Variants in NTN1 observed in about 807,000 individuals in gnomAD.
NTN1 encodes the protein netrin-1.
A neutral mutation model predicts 54.2 loss-of-function variants in NTN1; 11 were observed. The ratio of observed to expected loss-of-function variants is 0.20; its 90% CI spans 0.13 to 0.34. The LOEUF (loss-of-function observed/expected upper bound fraction) is 0.34. Among genes scored for constraint, NTN1 ranks in the 10% least tolerant of loss-of-function variants. The pLI, the probability that NTN1 is intolerant of heterozygous loss-of-function variation, is 1.00. For synonymous variants in NTN1, 371 were observed against 382.0 expected (o/e 0.97, Z 0.33); for missense variants, 740 against 893.1 (o/e 0.83, Z 2.18).
intron 5 of NTN1, among the ~76,000 whole-genome samples, chr17:9,214,546 G>T (rs954723134): frequency 2.6e-5 from 4 of 152,190 alleles, no homozygotes; most frequent in African/African-American, 9.7e-5. Flanking sequence ...CTTTAGGCTG[G>T]GTGCAGTGGC....
chr17:9,137,820 G>A (rs572379139), intron 2 of NTN1, among the ~76,000 whole-genome samples: 18 of 152,100 alleles, frequency 1.2e-4, no homozygotes, highest in Non-Finnish European at 2.5e-4. Flanking sequence ...AACTGTTGAC[G>A]GGCATCTTGG....
At chr17:9,213,461 A>G (rs953735474) in intron 5 of NTN1, among the ~76,000 whole-genome samples, 3 of 152,182 alleles carry the variant, frequency 2.0e-5, no homozygotes, top group African/African-American at 4.8e-5. Context: ...TGGAGCAAGT[A>G]TGTCCTGGCA....
chr17:9,030,318 C>T (rs569597187), intron 2 of NTN1, among the ~76,000 whole-genome samples: 21 of 152,334 alleles, frequency 1.4e-4, no homozygotes, highest in Non-Finnish European at 2.2e-4. Flanking sequence ...AGCTGTGCTC[C>T]GCTCTTGCCT....
chr17:9,141,916 G>T (rs1266359655), intron 2 of NTN1, among the ~76,000 whole-genome samples: 1 of 151,952 alleles, frequency 6.6e-6, no homozygotes, highest in Non-Finnish European at 1.5e-5. Context: ...ACAAAAATTA[G>T]CTGGGCGTAC....
At position 9,050,255 on chromosome 17, in the gene NTN1, A is replaced by T. The variant is rs1333461875; in HGVS notation, c.1018+26864A>T. 3.3e-5 allele frequency among the ~76,000 whole-genome samples: 5 copies of T among 150,500 alleles called. No individual in the cohort carries two copies. In the South Asian group the frequency reaches 8.4e-4, roughly 25 times the overall value. ...GAGTGAGACTCTGTCTCAAAAAAAT[A>T]AAAAAAAATAAAAATAAAATAAAAA... On this transcript the variant is annotated intron_variant, in intron 2 of 6. Transcript: ENST00000173229.
chr17:9,087,765 C>G (rs922611366), intron 2 of NTN1, among the ~76,000 whole-genome samples: 1 of 152,238 alleles, frequency 6.6e-6, no homozygotes. Context: ...GGGCCTGTGC[C>G]GATTTGCCCA....
chr17:9,060,181 C>A (rs1733558710), intron 2 of NTN1, among the ~76,000 whole-genome samples: 1 of 151,984 alleles, frequency 6.6e-6, no homozygotes, highest in Non-Finnish European at 1.5e-5. Context: ...GTCAGCAAGA[C>A]CCACCCCTCC....
chr17:9,043,251 T>C (rs780951735), intron 2 of NTN1, among the ~76,000 whole-genome samples: 3 of 152,248 alleles, frequency 2.0e-5, no homozygotes, highest in African/African-American at 4.8e-5. Flanking sequence ...TTGCTTTTTG[T>C]ACATTTGTGA....
intron 2 of NTN1, among the ~76,000 whole-genome samples, chr17:9,113,353 A>G (rs896071574): frequency 5.8e-4 from 89 of 152,188 alleles, no homozygotes; most frequent in African/African-American, 2.0e-3. Context: ...AGAAATACAT[A>G]TAAAAAAAGG....
At chr17:9,164,644 G>T (rs769888141) in intron 3 of NTN1, among the ~76,000 whole-genome samples, 4 of 152,114 alleles carry the variant, frequency 2.6e-5, no homozygotes, top group Non-Finnish European at 5.9e-5. Context: ...TCTCTTCCAG[G>T]AGAAATCCCT....
chr17:9,093,145 G>A (rs561936758), intron 2 of NTN1, among the ~76,000 whole-genome samples: 9 of 152,234 alleles, frequency 5.9e-5, no homozygotes, highest in African/African-American at 2.2e-4. Flanking sequence ...TGCCCGTCTC[G>A]GCCTCCCAAA....
At chr17:9,147,640 C>T (rs2092317560) in intron 2 of NTN1, among the ~76,000 whole-genome samples, 2 of 152,166 alleles carry the variant, frequency 1.3e-5, no homozygotes, top group African/African-American at 4.8e-5. Context: ...GTTCCACCTC[C>T]TCCCCAGAGC....
intron 2 of NTN1, among the ~76,000 whole-genome samples, chr17:9,131,315 T>C (rs981733227): frequency 1.3e-5 from 2 of 152,214 alleles, no homozygotes; most frequent in Non-Finnish European, 2.9e-5. Flanking sequence ...TACTCTATGG[T>C]CTCCTAATGC....
chr17:9,082,709 C>T (rs937439151), intron 2 of NTN1, among the ~76,000 whole-genome samples: 7 of 66,110 alleles, frequency 1.1e-4, no homozygotes, highest in African/African-American at 5.1e-4. Context: ...GAGAGTTTCT[C>T]GCCTTTTTTT....
intron 2 of NTN1, among the ~76,000 whole-genome samples, chr17:9,028,343 G>A (rs2151508662): frequency 6.6e-6 from 1 of 152,296 alleles, no homozygotes; most frequent in Non-Finnish European, 1.5e-5. Context: ...TGGCCCCATG[G>A]CAGCTGGAGT....
In NTN1 at chr17:9,132,378, C is replaced by G. The variant is rs2092268501; in HGVS notation, c.1019-30435C>G. ...AAAACTCCTATGCATCTCACACTAG[C>G]TTTGAACCTTCTACCCAGCGCACAC... On this transcript the variant is annotated intron_variant, in intron 2 of 6. Coordinates refer to ENST00000173229, the MANE Select transcript of NTN1 (RefSeq NM_004822.3). Among the ~76,000 whole-genome samples, 2 of 152,202 alleles carry G rather than the reference C, an allele frequency of 1.3e-5. 1 individual carries two copies. Among genetic ancestry groups the G allele is most frequent in the South Asian group, 4.1e-4 (2 of 4,836 alleles).
chr17:9,091,051 G>A (rs535066201), intron 2 of NTN1, among the ~76,000 whole-genome samples: 2 of 152,298 alleles, frequency 1.3e-5, no homozygotes, highest in African/African-American at 4.8e-5. Flanking sequence ...GCAGTGCCAA[G>A]TGCAAGGTTT....
chr17:9,219,048 GA>G lies in NTN1; in HGVS notation c.1412-2118del, dbSNP rs1905273021. 6.6e-6 allele frequency among the ~76,000 whole-genome samples: 1 copy of G among 152,174 alleles called. No homozygotes were observed. The highest frequency in any genetic ancestry group is 2.4e-5 in the African/African-American group (1 of 41,440). The stretch of plus-strand genomic sequence containing the variant: ...GAAGGGATTTCAGCCAGCTCACGCA[GA>G]ATCGCCAGGACTTACGCACAACCTG... On this transcript the variant is annotated intron_variant, in intron 5 of 6. Coordinates refer to ENST00000173229, the MANE Select transcript of NTN1 (RefSeq NM_004822.3). The surrounding 1 kb of genome is among the most constrained non-coding windows in gnomAD (Gnocchi z 4.5).
chr17:9,194,621 G>A (rs1904573027), intron 5 of NTN1, among the ~76,000 whole-genome samples: 1 of 151,966 alleles, frequency 6.6e-6, no homozygotes, highest in Non-Finnish European at 1.5e-5. Context: ...CCTACTGGAT[G>A]CCAGCACCTA....
Sources: gnomAD v4.1 joint callset for allele counts (sites outside exome capture counted in the v4.1 genomes callset) on GRCh38, gnomAD v4.1.1 for gene constraint, Gnocchi (gnomAD v3.1) non-coding constraint, MANE v1.5 for transcripts, NCBI Gene and HGNC (gene_info 2026-07-23, HGNC 2026-07-21) for gene names.